CCDC3: variants seen among roughly 807,000 people sequenced by gnomAD.
CCDC3 encodes coiled-coil domain containing 3.
CCDC3 carries 24 observed loss-of-function variants against 21.4 expected under a neutral mutation model. The observed-to-expected ratio is 1.12, with a 90% confidence interval of 0.81 to 1.58. CCDC3 has a LOEUF of 1.58. Among genes scored for constraint, CCDC3 ranks in the 40% most tolerant of loss-of-function variants. The pLI, the probability that CCDC3 is intolerant of heterozygous loss-of-function variation, is 0.00. For synonymous variants in CCDC3, 186 were observed against 166.0 expected (o/e 1.12, Z -0.93); for missense variants, 425 against 360.9 (o/e 1.18, Z -1.44).
chr10:12,928,366 G>C (rs1327606020), intron 2 of CCDC3, among the ~76,000 whole-genome samples: 1 of 152,208 alleles, frequency 6.6e-6, no homozygotes, highest in Non-Finnish European at 1.5e-5. Flanking sequence ...GAGAAAGCAT[G>C]AGATGATTTC....
chr10:12,981,531 T>C (rs546957588), intron 2 of CCDC3, among the ~76,000 whole-genome samples: 1 of 152,186 alleles, frequency 6.6e-6, no homozygotes, highest in East Asian at 1.9e-4. Context: ...ACTGAGGCTC[T>C]CTGGAGAGGC....
At chr10:13,069,879 G>C (rs896338205) in intron 4 of CCDC3, among the ~76,000 whole-genome samples, 6 of 152,110 alleles carry the variant, frequency 3.9e-5, no homozygotes, top group African/African-American at 1.4e-4. Flanking sequence ...TGGACATTTT[G>C]TTATTTACAG....
chr10:12,938,471 C>T (rs1475046959), intron 2 of CCDC3, among the ~76,000 whole-genome samples: 1 of 152,244 alleles, frequency 6.6e-6, no homozygotes, highest in East Asian at 1.9e-4. Context: ...GGACCACAAC[C>T]TTCTAGAGGC....
At position 12,998,318 on chromosome 10, in the gene CCDC3, A is replaced by G. The variant is rs1835793379; in HGVS notation, c.549+20T>C. On this transcript the variant is annotated intron_variant, in intron 2 of 2. Transcript: ENST00000378825. ...CTATACTATTGTTTTGCTGTGGCAC[A>G]GGATTTAGCCAATTCTTACCCTACT... is the stretch of plus-strand genomic sequence containing the variant. The G allele has an allele frequency of 6.2e-7, 1 of 1,608,890 alleles. No individual in the cohort carries two copies.
chr10:13,086,559 G>A (rs1364502807), intron 3 of CCDC3, among the ~76,000 whole-genome samples: 2 of 152,096 alleles, frequency 1.3e-5, no homozygotes, highest in Admixed American at 1.3e-4. Flanking sequence ...CGGTTCTCCT[G>A]CCTCAGCCTC....
chr10:13,010,068 T>C (rs57890068), intron 5 of CCDC3, among the ~76,000 whole-genome samples: 1,559 of 152,200 alleles, frequency 0.01, 22 homozygotes, highest in African/African-American at 0.035. Context: ...GCCAACGTGG[T>C]GAAACCCTAT....
chr10:12,978,258 A>G (rs1324155184), intron 2 of CCDC3, among the ~76,000 whole-genome samples: 1 of 152,100 alleles, frequency 6.6e-6, no homozygotes, highest in East Asian at 1.9e-4. Context: ...ACCTCAGGTG[A>G]TCCACACGCC....
At chr10:12,991,276 T>C (rs531531290) in intron 2 of CCDC3, among the ~76,000 whole-genome samples, 3 of 152,312 alleles carry the variant, frequency 2.0e-5, no homozygotes, top group South Asian at 4.1e-4. Context: ...CTCCGTGCTA[T>C]ATATTCCACC....
chr10:12,965,585 A>G (rs1338374298), intron 2 of CCDC3, among the ~76,000 whole-genome samples: 1 of 152,242 alleles, frequency 6.6e-6, no homozygotes, highest in Non-Finnish European at 1.5e-5. Context: ...AGACACATAG[A>G]AAGGCAAATA....
intron 2 of CCDC3, among the ~76,000 whole-genome samples, chr10:12,943,653 T>G (rs1445570867): frequency 2.0e-5 from 3 of 152,198 alleles, no homozygotes; most frequent in African/African-American, 7.2e-5. Context: ...TAGGGTGGGA[T>G]GGCCAGCCTC....
At chr10:12,995,838 T>C (rs1214793003) in intron 2 of CCDC3, among the ~76,000 whole-genome samples, 1 of 152,204 alleles carries the variant, frequency 6.6e-6, no homozygotes, top group African/African-American at 2.4e-5. Flanking sequence ...AGATCTGCCT[T>C]CAGGCTGAAA....
At chr10:12,901,530 C>T (rs1314369268) in intron 2 of CCDC3, among the ~76,000 whole-genome samples, 1 of 152,136 alleles carries the variant, frequency 6.6e-6, no homozygotes, top group African/African-American at 2.4e-5. Flanking sequence ...GCCTCGGCCT[C>T]CCAAAGTGCT....
intron 5 of CCDC3, among the ~76,000 whole-genome samples, chr10:13,038,374 C>CAAAAAA (rs58667035): frequency 1.5e-3 from 146 of 98,508 alleles, no homozygotes; most frequent in Non-Finnish European, 2.2e-3. Context: ...AGTTGGAAAG[C>CAAAAAA]AAAAAAAAAA....
At chr10:13,031,072 C>T (rs1192912849) in intron 5 of CCDC3, among the ~76,000 whole-genome samples, 3 of 152,100 alleles carry the variant, frequency 2.0e-5, no homozygotes, top group Non-Finnish European at 4.4e-5. Context: ...ACACTTATTC[C>T]AAAATTGACC....
rs562347302 is a variant in CCDC3 at position 12,997,054 on chromosome 10, C to T, written c.549+1284G>A. Among the ~76,000 whole-genome samples the T allele has an allele frequency of 3.9e-5, 6 of 152,078 alleles. No individual in the cohort carries two copies. In the South Asian group the frequency reaches 1.0e-3, roughly 26 times the overall value. ...TTTACCCACGTCATAAACCTACACACGTACCCCCTGAACCTAAAATAAAAG... is the reference window on the plus strand; with the variant it reads ...TTTACCCACGTCATAAACCTACACATGTACCCCCTGAACCTAAAATAAAAG... On this transcript the variant is annotated intron_variant, in intron 2 of 2. Coordinates refer to ENST00000378825, the MANE Select transcript of CCDC3 (RefSeq NM_031455.4).
intron 5 of CCDC3, among the ~76,000 whole-genome samples, chr10:13,018,528 C>T (rs1382652275): frequency 6.6e-6 from 1 of 152,132 alleles, no homozygotes; most frequent in Non-Finnish European, 1.5e-5. Flanking sequence ...GCAAGCTGCA[C>T]AGGGGACTTA....
At chr10:13,038,859 G>A (rs551297285) in intron 5 of CCDC3, among the ~76,000 whole-genome samples, 178 of 152,328 alleles carry the variant, frequency 1.2e-3, no homozygotes, top group Admixed American at 3.6e-3. Flanking sequence ...ACACCATCCT[G>A]CAGCACTTAT....
intron 3 of CCDC3, among the ~76,000 whole-genome samples, chr10:13,094,402 G>A (rs553107655): frequency 1.4e-4 from 22 of 152,100 alleles, no homozygotes; most frequent in East Asian, 1.2e-3. Flanking sequence ...GACTATAGGC[G>A]TGTGCCACCA....
In CCDC3 at chr10:13,001,183, G is replaced by A; in HGVS notation, c.374+14C>T. 3 of 1,544,348 alleles carry A rather than the reference G, an allele frequency of 1.9e-6. No individual in the cohort carries two copies. Among genetic ancestry groups the A allele is most frequent in the Non-Finnish European group, 2.6e-6 (3 of 1,143,742 alleles). On this transcript the variant is annotated intron_variant, in intron 1 of 2. Transcript: ENST00000378825. The stretch of plus-strand genomic sequence containing the variant: ...AGAGAGAGAGAGAGGTGGCGGCGGC[G>A]CCGCCGGGCTCACCTGAGGAAGAAG...
Sources: allele counts gnomAD v4.1 joint callset (sites outside exome capture counted in the v4.1 genomes callset), GRCh38; gene constraint gnomAD v4.1.1; transcripts MANE v1.5; gene names NCBI Gene and HGNC (gene_info 2026-07-23, HGNC 2026-07-21).